The following ZC3H4 variants were observed in gnomAD, a reference collection of about 807,000 sequenced individuals.
The protein encoded by ZC3H4 is zinc finger CCCH domain-containing protein 4.
ZC3H4 carries 13 observed loss-of-function variants against 108.3 expected under a neutral mutation model. That is an observed-to-expected ratio of 0.12 (90% confidence interval 0.08 to 0.19). The LOEUF is 0.19. Among genes scored for constraint, ZC3H4 ranks in the 10% least tolerant of loss-of-function variants. The pLI is 1.00. For synonymous variants in ZC3H4, 917 were observed against 749.6 expected, an observed-to-expected ratio of 1.22 and a Z score of -3.65; for missense variants, 1,734 against 1,838.8, an observed-to-expected ratio of 0.94 and a Z score of 1.04.
chr19:47,085,244 C>A (rs375389566), intron 7 of ZC3H4, 49 bp from the exon 8 acceptor site: 11 of 1,575,788 alleles, frequency 7.0e-6, no homozygotes, highest in South Asian at 6.8e-5. Context: ...CCCTCCCCCA[C>A]CCCCAGGACT....
chr19:47,109,678 G>A (rs1263707099), intron 2 of ZC3H4, among the ~76,000 whole-genome samples: 1 of 152,126 alleles, frequency 6.6e-6, no homozygotes, highest in African/African-American at 2.4e-5. Context: ...CATATTAAGA[G>A]GAAGAAAACA....
intron 1 of ZC3H4, 52 bp from the exon 2 acceptor site, chr19:47,112,641 C>T: frequency 1.7e-6 from 2 of 1,198,696 alleles, no homozygotes; most frequent in Non-Finnish European, 2.1e-6. Flanking sequence ...TTGGGCGTGG[C>T]GGGAGGGGCA....
intron 2 of ZC3H4, among the ~76,000 whole-genome samples, chr19:47,107,750 C>T (rs2057985903): frequency 6.6e-6 from 1 of 152,048 alleles, no homozygotes; most frequent in African/African-American, 2.4e-5. Context: ...CTAAGAGTCA[C>T]CCCAATGGGT....
intron 2 of ZC3H4, among the ~76,000 whole-genome samples, chr19:47,111,961 A>G (rs926609282): frequency 6.6e-6 from 1 of 151,808 alleles, no homozygotes. Context: ...AGATCCCCCC[A>G]AAAAGGGTCC....
intron 11 of ZC3H4, among the ~76,000 whole-genome samples, chr19:47,075,635 C>T (rs937242944): frequency 1.3e-5 from 2 of 152,064 alleles, no homozygotes; most frequent in Non-Finnish European, 2.9e-5. Context: ...CACACACACT[C>T]ACACTCCCCA....
At chr19:47,095,895 T>C (rs569203836) in intron 2 of ZC3H4, among the ~76,000 whole-genome samples, 15 of 152,138 alleles carry the variant, frequency 9.9e-5, no homozygotes, top group Admixed American at 3.9e-4. Context: ...GGAGGAAACA[T>C]CACGAGCCCA....
chr19:47,112,215 G>C lies in ZC3H4; in HGVS notation c.161+209C>G, dbSNP rs180890292. The C allele has an allele frequency of 7.0e-4, 845 of 1,200,148 alleles. 3 individuals carry two copies. In the African/African-American group the frequency reaches 9.8e-3, roughly 14 times the overall value. 74.3% of individuals were successfully genotyped at this position (1,200,148 alleles called of 1,614,324 possible). A position where few individuals can be genotyped will look rare whatever the true frequency, so the allele number is the denominator to read the frequency against. ...AGGGAGAGCGGGCGAGCGCCGCGAG[G>C]GGGGGGAAACGCATGAGGCCGGGAG... is the stretch of plus-strand genomic sequence containing the variant. On this transcript the variant is annotated intron_variant, in intron 2 of 14. Transcript: ENST00000253048.
chr19:47,070,582 G>T (rs1294874979), intron 13 of ZC3H4, among the ~76,000 whole-genome samples: 1 of 152,178 alleles, frequency 6.6e-6, no homozygotes, highest in Non-Finnish European at 1.5e-5. Flanking sequence ...GAGGAGCTGA[G>T]AACCCCAGCA....
chr19:47,084,944 G>C (rs1378328350), intron 8 of ZC3H4, 112 bp downstream of exon 8: 1 of 1,429,726 alleles, frequency 7.0e-7, no homozygotes, highest in Middle Eastern at 1.8e-4. Flanking sequence ...CCAGCCCTTT[G>C]GGGGGTGGCT....
In ZC3H4 at chr19:47,069,054, C is replaced by T. The variant is rs750687006; in HGVS notation, c.2398+38G>A. 64 of 1,600,930 alleles carry T rather than the reference C, an allele frequency of 4.0e-5. No homozygotes were observed. The South Asian group carries it at 6.0e-4, about 15-fold the overall frequency. ...CACCGCCGCTCCCCTGCACAGCGGC[C>T]TGGGGCCTGTGCCCCGGCCCCTGGG... On this transcript the variant is annotated intron_variant, in intron 14 of 14. Coordinates refer to ENST00000253048, the MANE Select transcript of ZC3H4 (RefSeq NM_015168.2).
chr19:47,068,274 C>A (rs1343937037), intron 14 of ZC3H4, among the ~76,000 whole-genome samples: 1 of 152,248 alleles, frequency 6.6e-6, no homozygotes, highest in East Asian at 1.9e-4. Context: ...CACCTCCGGG[C>A]TGGTTCAGCC....
rs748735701 is a variant in ZC3H4, at chr19:47,103,762, T to TAA, written c.161+8660_161+8661dup. ...TAACATGGTGAAACCCCGTCTCTAC[T>TAA]AAAAAAAAAAAAAAAAAAAAACTAC... On this transcript the variant is annotated intron_variant, in intron 2 of 14. Coordinates refer to ENST00000253048, the MANE Select transcript of ZC3H4 (RefSeq NM_015168.2). 8.5e-3 allele frequency among the ~76,000 whole-genome samples: 919 copies of TAA among 108,418 alleles called. 19 individuals are homozygous for TAA. The highest frequency in any genetic ancestry group is 0.031 in the African/African-American group (810 of 26,358). 71.1% of individuals were successfully genotyped at this position (108,418 alleles called of 152,430 possible). A position where few individuals can be genotyped will look rare whatever the true frequency, so the allele number is the denominator to read the frequency against.
chr19:47,075,452 C>G (rs1409152156), intron 11 of ZC3H4, among the ~76,000 whole-genome samples: 2 of 152,000 alleles, frequency 1.3e-5, no homozygotes, highest in Non-Finnish European at 1.5e-5. Context: ...GCATCTCCCT[C>G]CTCCTCCTCC....
intron 2 of ZC3H4, chr19:47,096,798 G>A: frequency 7.1e-6 from 7 of 985,440 alleles, no homozygotes; most frequent in Non-Finnish European, 8.4e-6. Context: ...CAGGTTGCTT[G>A]ACTACCTCCT....
intron 2 of ZC3H4, among the ~76,000 whole-genome samples, chr19:47,104,390 T>A (rs891227113): frequency 1.3e-5 from 2 of 152,190 alleles, no homozygotes; most frequent in Non-Finnish European, 2.9e-5. Context: ...CACCTGTGGG[T>A]TCCTTAAGGG....
At chr19:47,079,720 A>AC (rs1297397206) in intron 11 of ZC3H4, among the ~76,000 whole-genome samples, 1 of 151,814 alleles carries the variant, frequency 6.6e-6, no homozygotes, top group Non-Finnish European at 1.5e-5. Flanking sequence ...ACATGGTGAA[A>AC]CCCCGTCTCT....
chr19:47,072,228 C>G lies in ZC3H4; in HGVS notation c.1803-107G>C. On this transcript the variant is annotated intron_variant, in intron 12 of 14. Coordinates refer to ENST00000253048, the MANE Select transcript of ZC3H4 (RefSeq NM_015168.2). The surrounding 1 kb of genome is among the most constrained non-coding windows in gnomAD (Gnocchi z 5.6). ...AGAGCCGAAGGTCATGGGCCCCAGA[C>G]CAGGACTCCCACAGCTGGGGAGAGA... 1 of 1,392,956 alleles carries G rather than the reference C, an allele frequency of 7.2e-7. No homozygotes were observed. Among genetic ancestry groups the G allele is most frequent in the East Asian group, 2.5e-5 (1 of 40,210 alleles). 86.3% of individuals were successfully genotyped at this position (1,392,956 alleles called of 1,614,324 possible).
chr19:47,091,731 C>CA lies in ZC3H4; in HGVS notation c.493-1543dup, dbSNP rs200343200. ...TGAAACCCCGTCTCTACTAAAAATACAAAAAAAAAAAATTTGCCAGGTGTG... is the reference window on the plus strand; with the variant it reads ...TGAAACCCCGTCTCTACTAAAAATACAAAAAAAAAAAAATTTGCCAGGTGTG... On this transcript the variant is annotated intron_variant, in intron 4 of 14. Coordinates refer to ENST00000253048, the MANE Select transcript of ZC3H4 (RefSeq NM_015168.2). Among the ~76,000 whole-genome samples, 769 of 139,274 alleles carry CA rather than the reference C, an allele frequency of 5.5e-3. 4 individuals are homozygous for CA. The highest frequency in any genetic ancestry group is 0.017 in the African/African-American group (658 of 37,942). The allele number at this position is 139,274 out of a possible 152,430, so 91.4% of individuals were successfully genotyped here.
At chr19:47,099,265 G>A (rs2057869405) in intron 2 of ZC3H4, among the ~76,000 whole-genome samples, 1 of 152,088 alleles carries the variant, frequency 6.6e-6, no homozygotes, top group African/African-American at 2.4e-5. Flanking sequence ...TTCAAGACCA[G>A]CCTGACCAAC....
Sources: gnomAD v4.1 joint callset for allele counts (sites outside exome capture counted in the v4.1 genomes callset) on GRCh38, gnomAD v4.1.1 for gene constraint, Gnocchi (gnomAD v3.1) non-coding constraint, MANE v1.5 for transcripts, NCBI Gene and HGNC (gene_info 2026-07-23, HGNC 2026-07-21) for gene names.